The following UST variants were observed in gnomAD, a reference collection of about 807,000 sequenced individuals.
UST encodes uronyl 2-sulfotransferase, also known as chondroitin sulfate 2-O-sulfotransferase.
Under a neutral mutation model 45.6 loss-of-function variants are expected in UST, and 21 were observed. The observed-to-expected ratio is 0.46, with a 90% CI of 0.33 to 0.66. UST has a LOEUF of 0.66. Ranked by LOEUF, UST falls within the 30% of genes least tolerant of loss-of-function variation. UST has a pLI of 0.02. For missense variants in UST, 463 were observed against 512.4 expected (o/e 0.90, Z 0.93); for synonymous variants, 215 against 200.6 (o/e 1.07, Z -0.61).
intron 2 of UST, among the ~76,000 whole-genome samples, chr6:148,890,837 A>G (rs1779004280): frequency 6.6e-6 from 1 of 152,376 alleles, no homozygotes. Flanking sequence ...CTTTGTATGT[A>G]CACAGAATAC....
At chr6:148,999,845 G>C (rs1344082471) in intron 5 of UST, among the ~76,000 whole-genome samples, 1 of 152,134 alleles carries the variant, frequency 6.6e-6, no homozygotes, top group African/African-American at 2.4e-5. Flanking sequence ...AGCCCATACA[G>C]GGCTCCCAAT....
At chr6:148,989,367 C>G (rs1019135213) in intron 5 of UST, among the ~76,000 whole-genome samples, 7 of 152,116 alleles carry the variant, frequency 4.6e-5, no homozygotes, top group African/African-American at 1.4e-4. Context: ...AAAAGAAATC[C>G]AAGTCCTGAA....
intron 2 of UST, among the ~76,000 whole-genome samples, chr6:148,905,719 A>G (rs1257470032): frequency 6.6e-6 from 1 of 152,224 alleles, no homozygotes; most frequent in Non-Finnish European, 1.5e-5. Context: ...TGAGCGTATC[A>G]TTTCCTACCA....
At chr6:148,977,337 G>C in intron 5 of UST, among the ~76,000 whole-genome samples, 1 of 151,964 alleles carries the variant, frequency 6.6e-6, no homozygotes, top group South Asian at 2.1e-4. Flanking sequence ...ATAATATAGA[G>C]TGACTATTTA....
intron 7 of UST, among the ~76,000 whole-genome samples, chr6:149,037,962 ATTCTTCCATAGGG>A (rs1374776032): frequency 6.6e-6 from 1 of 152,158 alleles, no homozygotes; most frequent in Non-Finnish European, 1.5e-5. Context: ...AGGCGCCATG[ATTCTTCCATAGGG>A]TTTGGCCTTC....
At chr6:148,881,679 T>A (rs993195192) in intron 1 of UST, among the ~76,000 whole-genome samples, 3 of 151,986 alleles carry the variant, frequency 2.0e-5, no homozygotes, top group African/African-American at 7.2e-5. Flanking sequence ...GCCTGGAGAG[T>A]TTGGGGCTGC....
intron 1 of UST, among the ~76,000 whole-genome samples, chr6:148,851,775 C>T (rs531730639): frequency 3.3e-5 from 5 of 152,306 alleles, no homozygotes; most frequent in Admixed American, 6.5e-5. Context: ...CCTTTGCAGA[C>T]TTTATGTGTA....
At chr6:148,786,227 T>G (rs1425493925) in intron 1 of UST, among the ~76,000 whole-genome samples, 1 of 152,194 alleles carries the variant, frequency 6.6e-6, no homozygotes, top group African/African-American at 2.4e-5. Context: ...TTTTTTTAAA[T>G]TTCCAGCTTT....
chr6:148,796,723 A>G (rs1776956278), intron 1 of UST, among the ~76,000 whole-genome samples: 2 of 150,630 alleles, frequency 1.3e-5, no homozygotes, highest in Admixed American at 6.6e-5. Context: ...AAGCCCAGGT[A>G]CACCTGCTTC....
At chr6:148,793,284 A>G (rs1776885846) in intron 1 of UST, among the ~76,000 whole-genome samples, 2 of 152,166 alleles carry the variant, frequency 1.3e-5, no homozygotes, top group Non-Finnish European at 2.9e-5. Context: ...ATGTAAAAAA[A>G]AAAGTTACTA....
Position 148,790,602 on chromosome 6 carries a change from G to A in UST, c.247+42925G>A, listed in dbSNP as rs1776825358. On this transcript the variant is annotated intron_variant, in intron 1 of 7. Coordinates refer to ENST00000367463, the MANE Select transcript of UST (RefSeq NM_005715.3). The surrounding 1 kb of genome is among the most constrained non-coding windows in gnomAD (Gnocchi z 4.2). ...TGCCACCGTTCAGAGAGGCACTCAG[G>A]CTGCCAGCTTCTGAGCATGGCTACC... Among the ~76,000 whole-genome samples the A allele has an allele frequency of 1.3e-5, 2 of 152,182 alleles. No individual in the cohort carries two copies. Among genetic ancestry groups the A allele is most frequent in the South Asian group, 4.1e-4 (2 of 4,834 alleles).
chr6:148,902,644 G>T (rs1377739084), intron 2 of UST, among the ~76,000 whole-genome samples: 1 of 152,128 alleles, frequency 6.6e-6, no homozygotes, highest in East Asian at 1.9e-4. Context: ...TTCCCAAAGT[G>T]CTGGGATTGT....
intron 1 of UST, among the ~76,000 whole-genome samples, chr6:148,867,046 C>T (rs1778450002): frequency 6.6e-6 from 1 of 152,130 alleles, no homozygotes; most frequent in African/African-American, 2.4e-5. Context: ...TTCTCCTATG[C>T]TCAACTAACT....
At chr6:149,000,203 C>A (rs1016085156) in intron 5 of UST, among the ~76,000 whole-genome samples, 1 of 152,214 alleles carries the variant, frequency 6.6e-6, no homozygotes, top group Non-Finnish European at 1.5e-5. Context: ...GTAGCAACTG[C>A]TCATCTTCTG....
intron 3 of UST, among the ~76,000 whole-genome samples, chr6:148,950,286 TG>T (rs1228918951): frequency 6.6e-6 from 1 of 152,210 alleles, no homozygotes; most frequent in Non-Finnish European, 1.5e-5. Context: ...GCTGCAGGTC[TG>T]GGGACCACAC....
At chr6:148,787,823 C>T (rs1776761081) in intron 1 of UST, among the ~76,000 whole-genome samples, 1 of 152,156 alleles carries the variant, frequency 6.6e-6, no homozygotes, top group South Asian at 2.1e-4. Flanking sequence ...TATCCATGAA[C>T]AACCCAAATA....
intron 1 of UST, among the ~76,000 whole-genome samples, chr6:148,853,629 T>C (rs1250055292): frequency 6.6e-6 from 1 of 152,216 alleles, no homozygotes; most frequent in African/African-American, 2.4e-5. Flanking sequence ...ATCTGTTCTT[T>C]CTTGAGTTTT....
At chr6:148,925,764 G>A (rs909259146) in intron 2 of UST, among the ~76,000 whole-genome samples, 76 of 152,358 alleles carry the variant, frequency 5.0e-4, no homozygotes, top group African/African-American at 1.8e-3. Context: ...TAGGTCAAAA[G>A]TTGTTTATTG....
chr6:148,879,952 CT>C (rs766758383), intron 1 of UST, among the ~76,000 whole-genome samples: 10,943 of 119,836 alleles, frequency 0.091, 746 homozygotes, highest in African/African-American at 0.22. Flanking sequence ...TTTTTTTTTT[CT>C]TTTTTTTTTT....
Sources: allele counts gnomAD v4.1 joint callset (sites outside exome capture counted in the v4.1 genomes callset), GRCh38; gene constraint gnomAD v4.1.1; non-coding constraint Gnocchi (gnomAD v3.1); transcripts MANE v1.5; gene names NCBI Gene and HGNC (gene_info 2026-07-23, HGNC 2026-07-21).